The following ANK2 variants were observed in gnomAD, a reference collection of about 807,000 sequenced individuals.
ANK2 encodes the protein ankyrin-2.
ANK2 carries 83 observed loss-of-function variants against 360.5 expected under a neutral mutation model. That is an observed-to-expected ratio of 0.23 (90% CI 0.19 to 0.28). The LOEUF (loss-of-function observed/expected upper bound fraction) is 0.28. Ranked by LOEUF, ANK2 falls within the 10% of genes least tolerant of loss-of-function variation. The probability of loss-of-function intolerance (pLI) is 1.00; values close to 1 mark genes in which losing one functional copy is unlikely to be tolerated. For synonymous variants in ANK2, 1,740 were observed against 1,759.5 expected (o/e 0.99, Z 0.28); for missense variants, 4,201 against 4,795.7 (o/e 0.88, Z 3.66).
intron 1 of ANK2, among the ~76,000 whole-genome samples, chr4:113,118,901 A>G (rs1245717156): frequency 1.3e-5 from 2 of 152,176 alleles, no homozygotes; most frequent in Non-Finnish European, 2.9e-5. Context: ...GTGACCTAGC[A>G]ACTTTGCTTA....
intron 1 of ANK2, among the ~76,000 whole-genome samples, chr4:112,824,515 T>G (rs1369290870): frequency 6.6e-6 from 1 of 151,724 alleles, no homozygotes; most frequent in Non-Finnish European, 1.5e-5. Flanking sequence ...AGCATTTTTT[T>G]TTTTTTTTAG....
chr4:112,749,738 A>C, the ANK2 span, among the ~76,000 whole-genome samples: 1 of 152,126 alleles, frequency 6.6e-6, no homozygotes, highest in African/African-American at 2.4e-5. Flanking sequence ...ATCTAGCTGT[A>C]GGTAACTTTT....
chr4:113,278,987 T>C (rs1442835709), intron 17 of ANK2, among the ~76,000 whole-genome samples: 1 of 152,194 alleles, frequency 6.6e-6, no homozygotes, highest in East Asian at 1.9e-4. Flanking sequence ...TTTTTAATGT[T>C]TTACCTGTGT....
chr4:113,323,656 G>A (rs193301088), intron 26 of ANK2: 4 of 1,090,308 alleles, frequency 3.7e-6, no homozygotes, highest in Admixed American at 4.9e-5. Flanking sequence ...TGTTTTCAAT[G>A]AATAAGGTAT....
intron 34 of ANK2, among the ~76,000 whole-genome samples, chr4:113,344,734 T>C (rs1035859518): frequency 1.3e-5 from 2 of 152,190 alleles, no homozygotes; most frequent in African/African-American, 4.8e-5. Context: ...TGCTGCAATA[T>C]GGTAAATGAA....
chr4:113,078,414 G>A (rs917274690), intron 1 of ANK2, among the ~76,000 whole-genome samples: 9 of 152,198 alleles, frequency 5.9e-5, no homozygotes, highest in Non-Finnish European at 1.2e-4. Context: ...CATATTGGAT[G>A]TTGCTCGTCA....
At chr4:112,808,408 T>C in the ANK2 span, among the ~76,000 whole-genome samples, 1 of 152,164 alleles carries the variant, frequency 6.6e-6, no homozygotes, top group Non-Finnish European at 1.5e-5. Context: ...TAATCAAATA[T>C]TATGTCACTC....
At chr4:112,785,425 G>A in the ANK2 span, among the ~76,000 whole-genome samples, 39 of 151,802 alleles carry the variant, frequency 2.6e-4, 2 homozygotes, top group South Asian at 7.5e-3. Flanking sequence ...CCAGGCTGGA[G>A]TGCAGTAGCA....
At chr4:112,879,732 A>T (rs2076198522) in intron 1 of ANK2, among the ~76,000 whole-genome samples, 1 of 152,218 alleles carries the variant, frequency 6.6e-6, no homozygotes, top group Admixed American at 6.5e-5. Flanking sequence ...CCACAAAGGG[A>T]ACTCTGAAAA....
rs746693928 is a variant in ANK2 at position 113,357,355 on chromosome 4, C to G, written c.8737C>G (p.Leu2913Val). The G allele has an allele frequency of 4.3e-6, 7 of 1,614,026 alleles. No homozygotes were observed. The highest frequency in any genetic ancestry group is 3.3e-5 in the South Asian group (3 of 91,076). The change falls in exon 38 of 46, where the codon CTA (leucine) becomes GTA (valine). Residue 2913 changes from leucine (L) to valine (V), a missense_variant. Physicochemically the swap from Leu to Val is conservative, Grantham distance 32. This residue lies in a region of ANK2 where 2,642 missense variants were observed against 2,714.5 expected (regional missense o/e 0.97). Coordinates refer to ENST00000357077, the MANE Select transcript of ANK2 (RefSeq NM_001148.6). ...RFSMDVPVSD[L>V]AENDEIYDPQ... ...TTCCATGGATGTTCCCGTGTCTGAC[C>G]TAGCTGAGAATGATGAAATCTATGA...
intron 1 of ANK2, chr4:113,141,254 G>C (rs1477356350): frequency 2.0e-5 from 3 of 152,224 alleles, no homozygotes; most frequent in Admixed American, 2.0e-4. Context: ...CAAAGAGTCT[G>C]TCATATGCCA....
chr4:113,310,114 A>G (rs940497133), intron 23 of ANK2, among the ~76,000 whole-genome samples: 1 of 152,202 alleles, frequency 6.6e-6, no homozygotes, highest in Non-Finnish European at 1.5e-5. Context: ...AACAAGAGGG[A>G]AAGATAAATG....
At chr4:113,242,494 T>G (rs139533616) in intron 9 of ANK2, among the ~76,000 whole-genome samples, 1 of 152,316 alleles carries the variant, frequency 6.6e-6, no homozygotes, top group Non-Finnish European at 1.5e-5. Flanking sequence ...AAGATTAGGC[T>G]TACACAACTC....
intron 14 of ANK2, among the ~76,000 whole-genome samples, chr4:113,270,548 A>G (rs1442658906): frequency 6.6e-6 from 1 of 152,154 alleles, no homozygotes; most frequent in Non-Finnish European, 1.5e-5. Flanking sequence ...TCTAATTTAA[A>G]TATCAAATTT....
intron 1 of ANK2, among the ~76,000 whole-genome samples, chr4:112,864,590 G>A (rs1228369290): frequency 6.6e-6 from 1 of 151,972 alleles, no homozygotes; most frequent in Non-Finnish European, 1.5e-5. Flanking sequence ...GATTACAGGC[G>A]TCAGCCCCGG....
At chr4:112,968,817 A>G (rs1561335608) in intron 2 of ANK2, among the ~76,000 whole-genome samples, 1 of 152,190 alleles carries the variant, frequency 6.6e-6, no homozygotes, top group Non-Finnish European at 1.5e-5. Flanking sequence ...TACTTGCCCT[A>G]TAGTTGTTCA....
the ANK2 span, among the ~76,000 whole-genome samples, chr4:112,720,888 C>CTTG: frequency 6.6e-6 from 1 of 152,254 alleles, no homozygotes; most frequent in East Asian, 1.9e-4. Context: ...ATTAGAGGAC[C>CTTG]ATCAAGGGAA....
At position 112,946,434 on chromosome 4, in the gene ANK2, T is replaced by C. The variant is rs372040613; in HGVS notation, c.21+41920T>C. Among the ~76,000 whole-genome samples the C allele has an allele frequency of 2.3e-4, 35 of 152,294 alleles. No homozygotes were observed. The East Asian group carries it at 4.6e-3, about 20-fold the overall frequency. On this transcript the variant is annotated intron_variant, in intron 2 of 30. Transcript: ENST00000503271. ...GTGAGGATTCTTGTAAATTGAAGAC[T>C]GTCTATAATTTGATTAAGGCGCAGA... is the stretch of plus-strand genomic sequence containing the variant.
At chr4:112,989,933 A>C (rs756788528) in intron 2 of ANK2, among the ~76,000 whole-genome samples, 6 of 152,222 alleles carry the variant, frequency 3.9e-5, no homozygotes, top group Non-Finnish European at 8.8e-5. Flanking sequence ...AATTGTTGAA[A>C]TTGTGATACT....
Sources: allele counts gnomAD v4.1 joint callset (sites outside exome capture counted in the v4.1 genomes callset), GRCh38; gene constraint gnomAD v4.1.1; regional missense constraint gnomAD v4.1.1; transcripts MANE v1.5; gene names NCBI Gene and HGNC (gene_info 2026-07-23, HGNC 2026-07-21).